IDUA: variants seen among roughly 807,000 people sequenced by gnomAD.
The protein encoded by IDUA is iduronidase alpha-L-.
In IDUA, 65 loss-of-function variants were observed where a neutral mutation model predicts 68.9. The observed-to-expected ratio is 0.94, with a 90% CI of 0.77 to 1.16. The LOEUF is 1.16. Ranked by LOEUF, IDUA falls within the 50% of genes most tolerant of loss-of-function variation. The pLI is 0.00. For missense variants in IDUA, 1,046 were observed against 938.0 expected (o/e 1.12, Z -1.50); for synonymous variants, 529 against 433.6 (o/e 1.22, Z -2.73).
chr4:994,341 T>C (rs1714597971), intron 2 of IDUA, among the ~76,000 whole-genome samples: 1 of 151,636 alleles, frequency 6.6e-6, no homozygotes, highest in Admixed American at 6.6e-5. Flanking sequence ...AGTGGTGTGA[T>C]CTCGGCTCAC....
At chr4:997,220 C>T (rs962538856) in intron 2 of IDUA, among the ~76,000 whole-genome samples, 1 of 151,830 alleles carries the variant, frequency 6.6e-6, no homozygotes, top group Non-Finnish European at 1.5e-5. Flanking sequence ...CGGCCCGCAC[C>T]CTCTAGCACC....
intron 12 of IDUA, 173 bp from the exon 13 acceptor site, chr4:1,003,839 C>T: frequency 1.3e-6 from 1 of 789,246 alleles, no homozygotes; most frequent in Admixed American, 2.0e-5. Flanking sequence ...ATGAGATGGA[C>T]ATTCGGGCTC....
chr4:997,290 C>T (rs1714794301), intron 2 of IDUA, among the ~76,000 whole-genome samples: 2 of 151,690 alleles, frequency 1.3e-5, no homozygotes, highest in African/African-American at 4.8e-5. Flanking sequence ...TCTGTACCCG[C>T]CCCGCGCCCC....
chr4:994,408 T>G (rs1714604851), intron 2 of IDUA, among the ~76,000 whole-genome samples: 1 of 151,810 alleles, frequency 6.6e-6, no homozygotes, highest in African/African-American at 2.4e-5. Flanking sequence ...CCTGAGTAGC[T>G]GGGACTACAG....
At chr4:987,266 AC>A (rs754797954) in intron 1 of IDUA, 24 bp downstream of exon 1, 25 of 1,511,244 alleles carry the variant, frequency 1.7e-5, no homozygotes, top group Middle Eastern at 2.3e-4. Context: ...GGCCTCCGGG[AC>A]CCCCTGGCCG....
At chr4:998,783 A>ACCCCCC (rs148444493) in intron 2 of IDUA, among the ~76,000 whole-genome samples, 7 of 120,748 alleles carry the variant, frequency 5.8e-5, no homozygotes, top group Non-Finnish European at 8.5e-5. Context: ...CGACCCCCCG[A>ACCCCCC]CCCCCCACCT....
rs538040010 is a variant in IDUA, at chr4:1,003,181, G to A, written c.1524+24G>A. 2.2e-3 allele frequency: 2,875 copies of A among 1,328,998 alleles called. 8 individuals carry two copies. Among genetic ancestry groups the A allele is most frequent in the Non-Finnish European group, 2.4e-3 (2,463 of 1,045,794 alleles). The allele number at this position is 1,328,998 out of a possible 1,614,324, so 82.3% of individuals were successfully genotyped here. On this transcript the variant is annotated intron_variant, in intron 10 of 13. Transcript: ENST00000514224. ...AGGTAGGTGGGCCGCGGAGGGGCGAGGGGCCGGGCCGGGCCGGGGTCCCGG... is the reference window on the plus strand; with the variant it reads ...AGGTAGGTGGGCCGCGGAGGGGCGAAGGGCCGGGCCGGGCCGGGGTCCCGG...
chr4:991,264 T>C, intron 2 of IDUA: 1 of 1,611,396 alleles, frequency 6.2e-7, no homozygotes, highest in Non-Finnish European at 8.5e-7. Context: ...CTGGGAGGGG[T>C]CAAAGCCGGC....
chr4:1,003,800 C>A (rs1560550484), intron 12 of IDUA, 175 bp downstream of exon 12: 1 of 811,402 alleles, frequency 1.2e-6, no homozygotes, highest in South Asian at 1.5e-5. Flanking sequence ...CCAGGCCCTG[C>A]CAGTGGGGTG....
rs752523518 is a variant in IDUA at position 1,004,105 on chromosome 4, C to T, written c.1821C>T (p.Phe607=). Residue 607 remains phenylalanine (F), a synonymous_variant, in exon 13 of 14, where the codon TTC becomes TTT. Coordinates refer to ENST00000514224, the MANE Select transcript of IDUA (RefSeq NM_000203.5). The surrounding 1 kb of genome is among the most constrained non-coding windows in gnomAD (Gnocchi z 5.0). ...RKPSTFNLFV[F]SPDTGAVSGS... ...CATCGACCTTCAACCTCTTTGTGTTCAGCCCAGGTGCGCCCACCACCCGCT... is the reference window on the plus strand; with the variant it reads ...CATCGACCTTCAACCTCTTTGTGTTTAGCCCAGGTGCGCCCACCACCCGCT... The T allele has an allele frequency of 5.6e-6, 9 of 1,613,008 alleles. No individual in the cohort carries two copies. In the East Asian group the frequency reaches 2.0e-4, roughly 36 times the overall value.
chr4:990,665 A>T, intron 2 of IDUA: 1 of 460,516 alleles, frequency 2.2e-6, no homozygotes, highest in Non-Finnish European at 3.9e-6. Flanking sequence ...GACCTCTGGT[A>T]TCAGAAGGCA....
At chr4:987,562 G>A (rs1013353166) in intron 1 of IDUA, 3 of 1,284,600 alleles carry the variant, frequency 2.3e-6, no homozygotes, top group Non-Finnish European at 3.1e-6. Context: ...TAGAGCTGAG[G>A]TACCCGCCTT....
Position 1,004,129 on chromosome 4 carries a change from C to A in IDUA, c.1828+17C>A, listed in dbSNP as rs1415526528. On this transcript the variant is annotated intron_variant, in intron 13 of 13. Transcript: ENST00000514224. The surrounding 1 kb of genome is among the most constrained non-coding windows in gnomAD (Gnocchi z 5.0). ...TCAGCCCAGGTGCGCCCACCACCCG[C>A]TGCCCTGGACTCGGCCACCCCATTC... is the stretch of plus-strand genomic sequence containing the variant. 6.2e-7 allele frequency: 1 copy of A among 1,612,292 alleles called. No homozygotes were observed. The highest frequency in any genetic ancestry group is 8.5e-7 in the Non-Finnish European group (1 of 1,179,274).
In IDUA at chr4:987,222, C is replaced by T. The variant is rs1238977070; in HGVS notation, c.138C>T (p.Phe46=). 2.0e-6 allele frequency: 3 copies of T among 1,501,106 alleles called. No homozygotes were observed. The Admixed American group carries it at 6.3e-5, about 31-fold the overall frequency. The allele number at this position is 1,501,106 out of a possible 1,614,324, so 93.0% of individuals were successfully genotyped here. ...GCGCGCTGTGGCCCCTGCGGCGCTT[C>T]TGGAGGAGCACAGGCTTCTGGTGAG... is the stretch of plus-strand genomic sequence containing the variant. ...AARALWPLRR[F]WRSTGFCPPL... Residue 46 remains phenylalanine, a synonymous_variant, in exon 1 of 14, where the codon TTC becomes TTT. Coordinates refer to ENST00000514224, the MANE Select transcript of IDUA (RefSeq NM_000203.5).
intron 2 of IDUA, chr4:989,882 C>G (rs1347743645): frequency 6.4e-7 from 1 of 1,571,414 alleles, no homozygotes; most frequent in African/African-American, 1.3e-5. Context: ...GAGAAGGCGG[C>G]AGCCACGAGG....
chr4:988,687 G>T (rs1305417859), intron 2 of IDUA: 1 of 1,413,878 alleles, frequency 7.1e-7, no homozygotes, highest in Non-Finnish European at 9.2e-7. Context: ...TCCCAGTTGG[G>T]GTTCCCCGGT....
At chr4:990,824 G>GGCCACAT in intron 2 of IDUA, 1 of 424,054 alleles carries the variant, frequency 2.4e-6, no homozygotes, top group Non-Finnish European at 4.2e-6. Context: ...AGGCCTGGGA[G>GGCCACAT]GCCACATGGC....
chr4:1,003,477 G>A lies in IDUA; in HGVS notation c.1650+7G>A. 1.3e-6 allele frequency: 2 copies of A among 1,578,934 alleles called. No individual in the cohort carries two copies. Among genetic ancestry groups the A allele is most frequent in the Non-Finnish European group, 1.7e-6 (2 of 1,168,980 alleles). ...CGAGAAGCCGCCCGGGCAGGCAAGT[G>A]GCAGTCCCCTAACCCGCGCCGCGGC... On this transcript the variant is annotated splice_region_variant and intron_variant, in intron 11 of 13. Coordinates refer to ENST00000514224, the MANE Select transcript of IDUA (RefSeq NM_000203.5).
intron 2 of IDUA, among the ~76,000 whole-genome samples, chr4:996,438 G>A (rs1380301984): frequency 6.6e-6 from 1 of 152,194 alleles, no homozygotes; most frequent in South Asian, 2.1e-4. Context: ...GGTGGGGTGG[G>A]CAGTGCCACC....
Sources: gnomAD v4.1 joint callset for allele counts (sites outside exome capture counted in the v4.1 genomes callset) on GRCh38, gnomAD v4.1.1 for gene constraint, Gnocchi (gnomAD v3.1) non-coding constraint, MANE v1.5 for transcripts, NCBI Gene and HGNC (gene_info 2026-07-23, HGNC 2026-07-21) for gene names.